GALNT13: variants seen among roughly 807,000 people sequenced by gnomAD.
GALNT13 encodes polypeptide N-acetylgalactosaminyltransferase 13, also known as UDP-GalNAc:polypeptide N-acetylgalactosaminyltransferase 13.
A neutral mutation model predicts 64.2 loss-of-function variants in GALNT13; 28 were observed. The observed-to-expected ratio is 0.44, with a 90% CI of 0.32 to 0.60. The LOEUF (loss-of-function observed/expected upper bound fraction) is 0.60, where lower values mean the gene tolerates loss of function less well. GALNT13 is among the 20% of genes least tolerant of loss of function. GALNT13 has a pLI of 0.05. For synonymous variants in GALNT13, 214 were observed against 224.6 expected, an observed-to-expected ratio of 0.95 and a Z score of 0.42; for missense variants, 577 against 669.8, an observed-to-expected ratio of 0.86 and a Z score of 1.53.
At chr2:154,181,222 G>A (rs1685941298) in intron 4 of GALNT13, among the ~76,000 whole-genome samples, 1 of 152,182 alleles carries the variant, frequency 6.6e-6, no homozygotes, top group Non-Finnish European at 1.5e-5. Context: ...CATATTGACA[G>A]TAAAGTGTTG....
the GALNT13 span, among the ~76,000 whole-genome samples, chr2:153,494,480 A>T: frequency 6.6e-6 from 1 of 152,036 alleles, no homozygotes; most frequent in Admixed American, 6.5e-5. Context: ...ATTGATTTTC[A>T]GCAAGTACCC....
chr2:153,656,512 A>C, the GALNT13 span, among the ~76,000 whole-genome samples: 27 of 152,226 alleles, frequency 1.8e-4, no homozygotes, highest in African/African-American at 6.0e-4. Context: ...CCAACACTAG[A>C]ACTGGAATAT....
chr2:153,966,866 A>C (rs1444301297), intron 3 of GALNT13, among the ~76,000 whole-genome samples: 1 of 151,952 alleles, frequency 6.6e-6, no homozygotes, highest in Admixed American at 6.6e-5. Flanking sequence ...AATAACTCTT[A>C]GATTATCCCT....
chr2:153,354,834 A>T, the GALNT13 span, among the ~76,000 whole-genome samples: 1 of 152,310 alleles, frequency 6.6e-6, no homozygotes, highest in East Asian at 1.9e-4. Flanking sequence ...TAAGGATTAA[A>T]CCTGACATTT....
At chr2:153,240,641 A>G in the GALNT13 span, among the ~76,000 whole-genome samples, 1 of 152,160 alleles carries the variant, frequency 6.6e-6, no homozygotes, top group Non-Finnish European at 1.5e-5. Context: ...TTGTAACCCT[A>G]TCACAGGATG....
intron 4 of GALNT13, among the ~76,000 whole-genome samples, chr2:154,224,300 T>G (rs949059192): frequency 2.6e-5 from 4 of 152,102 alleles, no homozygotes; most frequent in African/African-American, 9.7e-5. Context: ...TTAAGCTATG[T>G]GCATTTCATG....
intron 3 of GALNT13, among the ~76,000 whole-genome samples, chr2:153,946,400 A>C (rs1300827311): frequency 6.6e-6 from 1 of 152,166 alleles, no homozygotes; most frequent in Non-Finnish European, 1.5e-5. Flanking sequence ...GTAAAATTAA[A>C]CTATTGTTCT....
chr2:154,297,668 C>T (rs1240772991), intron 8 of GALNT13, among the ~76,000 whole-genome samples: 6 of 151,956 alleles, frequency 3.9e-5, no homozygotes, highest in Non-Finnish European at 7.4e-5. Flanking sequence ...GTTATGGCAG[C>T]GCAAGCAAAC....
the GALNT13 span, among the ~76,000 whole-genome samples, chr2:153,865,404 C>T: frequency 7.0e-6 from 1 of 143,182 alleles, no homozygotes; most frequent in Admixed American, 7.2e-5. Flanking sequence ...TTTTCGCAGC[C>T]TACTCATCTG....
chr2:153,157,325 C>T, the GALNT13 span, among the ~76,000 whole-genome samples: 3 of 152,200 alleles, frequency 2.0e-5, no homozygotes, highest in African/African-American at 7.2e-5. Context: ...GCATGTGGCT[C>T]ATAACATTTT....
At chr2:153,808,729 C>T in the GALNT13 span, among the ~76,000 whole-genome samples, 14 of 152,222 alleles carry the variant, frequency 9.2e-5, no homozygotes, top group African/African-American at 2.6e-4. Flanking sequence ...ATGCTTTGAC[C>T]CAACCTATTT....
At chr2:153,346,116 G>A in the GALNT13 span, among the ~76,000 whole-genome samples, 1 of 152,026 alleles carries the variant, frequency 6.6e-6, no homozygotes, top group East Asian at 1.9e-4. Flanking sequence ...TGTAGAGATG[G>A]GTTTTGCCAT....
the GALNT13 span, among the ~76,000 whole-genome samples, chr2:153,238,615 C>T: frequency 6.6e-6 from 1 of 151,916 alleles, no homozygotes; most frequent in Non-Finnish European, 1.5e-5. Context: ...TTGCTCTTGG[C>T]ACCTTTGTAG....
chr2:153,074,707 A>T, the GALNT13 span, among the ~76,000 whole-genome samples: 30 of 152,264 alleles, frequency 2.0e-4, no homozygotes, highest in African/African-American at 7.0e-4. Context: ...ACATGACTAT[A>T]TTTGATGTGT....
the GALNT13 span, among the ~76,000 whole-genome samples, chr2:153,253,997 C>G: frequency 5.3e-5 from 8 of 152,244 alleles, no homozygotes; most frequent in East Asian, 1.5e-3. Context: ...TGAGTTAGGA[C>G]AGATTCCCTC....
chr2:153,478,225 C>T, the GALNT13 span: 6 of 1,599,548 alleles, frequency 3.8e-6, no homozygotes, highest in African/African-American at 4.0e-5. Context: ...GCCGCGGGGG[C>T]AGAGGGCGGG....
chr2:154,407,973 T>C (rs114394962), intron 10 of GALNT13, among the ~76,000 whole-genome samples: 1,604 of 152,200 alleles, frequency 0.011, 27 homozygotes, highest in African/African-American at 0.036. Context: ...TTAGCCAATG[T>C]GAGGAAACAT....
At chr2:153,760,211 T>C in the GALNT13 span, among the ~76,000 whole-genome samples, 1 of 151,970 alleles carries the variant, frequency 6.6e-6, no homozygotes, top group East Asian at 1.9e-4. Context: ...TGACTATGTT[T>C]ATCTTCTCAA....
the GALNT13 span, among the ~76,000 whole-genome samples, chr2:153,630,798 TA>T: frequency 1.9e-3 from 25 of 13,486 alleles, no homozygotes; most frequent in East Asian, 2.6e-3. Flanking sequence ...TATATATATA[TA>T]TATATATATT....
Sources: allele counts gnomAD v4.1 joint callset (sites outside exome capture counted in the v4.1 genomes callset), GRCh38; gene constraint gnomAD v4.1.1; transcripts MANE v1.5; gene names NCBI Gene and HGNC (gene_info 2026-07-23, HGNC 2026-07-21).